The following PAX5 variants were observed in gnomAD, a reference collection of about 807,000 sequenced individuals.
PAX5 encodes the protein paired box 5, also known as paired box protein Pax-5.
A neutral mutation model predicts 43.7 loss-of-function variants in PAX5; 9 were observed. That is an observed-to-expected ratio of 0.21 (90% CI 0.12 to 0.36). PAX5 has a LOEUF of 0.36. Ranked by LOEUF, PAX5 falls within the 10% of genes least tolerant of loss-of-function variation. The probability of loss-of-function intolerance (pLI) is 1.00; values close to 1 mark genes in which losing one functional copy is unlikely to be tolerated. For synonymous variants in PAX5, 228 were observed against 214.3 expected, an observed-to-expected ratio of 1.06 and a Z score of -0.56; for missense variants, 383 against 532.7, an observed-to-expected ratio of 0.72 and a Z score of 2.77.
intron 4 of PAX5, among the ~76,000 whole-genome samples, chr9:37,004,873 C>T (rs1446679675): frequency 1.3e-5 from 2 of 152,216 alleles, no homozygotes; most frequent in Non-Finnish European, 2.9e-5. Context: ...TTACTGGCAA[C>T]ATGACCTAGG....
chr9:36,943,896 G>A (rs1314848193), intron 6 of PAX5, among the ~76,000 whole-genome samples: 1 of 152,080 alleles, frequency 6.6e-6, no homozygotes, highest in African/African-American at 2.4e-5. Context: ...GACCCAATAA[G>A]TGACTAGAGC....
chr9:37,021,701 T>C (rs902259293), intron 1 of PAX5, among the ~76,000 whole-genome samples: 2 of 152,226 alleles, frequency 1.3e-5, no homozygotes, highest in Admixed American at 6.5e-5. Context: ...TCAAGGTCCA[T>C]CTGGAAGGAC....
At chr9:37,025,807 A>T (rs1840294039) in intron 1 of PAX5, among the ~76,000 whole-genome samples, 1 of 152,080 alleles carries the variant, frequency 6.6e-6, no homozygotes, top group African/African-American at 2.4e-5. Context: ...CGTGGTAACT[A>T]ATTGGCTTCC....
chr9:37,020,950 A>AGTTTG, intron 1 of PAX5, 149 bp from the exon 2 acceptor site: 2 of 708,300 alleles, frequency 2.8e-6, no homozygotes, highest in Non-Finnish European at 4.7e-6. Context: ...CGTGCAAACT[A>AGTTTG]CACGAAGTCC....
rs2131674114 is a variant in PAX5, at chr9:36,865,202, C to T, written c.1012+16802G>A. 2.0e-5 allele frequency among the ~76,000 whole-genome samples: 3 copies of T among 152,296 alleles called. No homozygotes were observed. The South Asian group carries it at 6.2e-4, about 32-fold the overall frequency. On this transcript the variant is annotated intron_variant, in intron 8 of 9. Coordinates refer to ENST00000358127, the MANE Select transcript of PAX5 (RefSeq NM_016734.3). ...CTTCAGAGACCAAGATTTCCAGGTG[C>T]TTCCCTCAGTTCTCCCAGGGAGGCC...
chr9:36,911,346 CG>C (rs1554662230), intron 7 of PAX5, among the ~76,000 whole-genome samples: 5 of 150,810 alleles, frequency 3.3e-5, no homozygotes, highest in Admixed American at 2.6e-4. Flanking sequence ...TTTTTGAGAT[CG>C]GGGGGGTCTC....
chr9:36,991,770 G>T (rs138264531), intron 5 of PAX5, among the ~76,000 whole-genome samples: 1 of 142,070 alleles, frequency 7.0e-6, no homozygotes, highest in East Asian at 2.2e-4. Context: ...CTGGTGGCTG[G>T]TGCTGGGAAG....
rs1563915188 is a variant in PAX5, at chr9:36,870,035, AATGGATGGATGGATGGATGGATAAATGG to A, written c.1012+11941_1012+11968del. 5.6e-3 allele frequency among the ~76,000 whole-genome samples: 170 copies of A among 30,296 alleles called. 3 individuals are homozygous for A. Among genetic ancestry groups the A allele is most frequent in the African/African-American group, 0.011 (102 of 9,508 alleles). The allele number at this position is 30,296 out of a possible 152,430, so 19.9% of individuals were successfully genotyped here. A position where few individuals can be genotyped will look rare whatever the true frequency, so the allele number is the denominator to read the frequency against. ...GGATGGATGGATGGATGGATGGATA[AATGGATGGATGGATGGATGGATAAATGG>A]ATGGATGGATGGATGGATGGATAAA... On this transcript the variant is annotated intron_variant, in intron 8 of 9. Coordinates refer to ENST00000358127, the MANE Select transcript of PAX5 (RefSeq NM_016734.3).
chr9:37,026,443 C>T (rs553646524), intron 1 of PAX5: 4 of 1,107,338 alleles, frequency 3.6e-6, no homozygotes, highest in Non-Finnish European at 4.9e-6. Flanking sequence ...GGTCCGAGAT[C>T]CTTCCGGCCT....
chr9:36,936,558 C>G (rs1369094087), intron 6 of PAX5, among the ~76,000 whole-genome samples: 1 of 152,082 alleles, frequency 6.6e-6, no homozygotes, highest in African/African-American at 2.4e-5. Context: ...ATGAGGGGTC[C>G]AAAGGGAGGA....
intron 7 of PAX5, among the ~76,000 whole-genome samples, chr9:36,908,298 G>A (rs1828984361): frequency 6.6e-6 from 1 of 151,456 alleles, no homozygotes; most frequent in African/African-American, 2.4e-5. Context: ...CAGCTTAGAT[G>A]TTGCTTCCCC....
At chr9:36,878,726 A>G (rs1356356714) in intron 8 of PAX5, among the ~76,000 whole-genome samples, 2 of 152,174 alleles carry the variant, frequency 1.3e-5, no homozygotes, top group Non-Finnish European at 2.9e-5. Flanking sequence ...TGCCGGGGGT[A>G]GTGTCTGCAA....
chr9:36,932,432 TG>T (rs1831207244), intron 6 of PAX5, among the ~76,000 whole-genome samples: 1 of 152,226 alleles, frequency 6.6e-6, no homozygotes, highest in African/African-American at 2.4e-5. Context: ...TGCTGATACA[TG>T]TTACAACATG....
intron 5 of PAX5, among the ~76,000 whole-genome samples, chr9:36,992,365 C>A (rs561643110): frequency 4.6e-5 from 7 of 152,188 alleles, no homozygotes; most frequent in South Asian, 2.1e-4. Context: ...CAGATGGGGT[C>A]TCCAGGTGGC....
intron 7 of PAX5, among the ~76,000 whole-genome samples, chr9:36,887,779 A>G (rs1471772943): frequency 6.6e-6 from 1 of 152,232 alleles, no homozygotes; most frequent in Non-Finnish European, 1.5e-5. Flanking sequence ...GATACACTGG[A>G]CTTCATCAAA....
intron 5 of PAX5, among the ~76,000 whole-genome samples, chr9:36,967,068 A>G (rs1346568128): frequency 6.6e-6 from 1 of 152,142 alleles, no homozygotes; most frequent in Non-Finnish European, 1.5e-5. Context: ...TGAGGATTCG[A>G]GCTTGGGCTG....
At chr9:36,869,895 A>T (rs368789925) in intron 8 of PAX5, among the ~76,000 whole-genome samples, 1 of 49,368 alleles carries the variant, frequency 2.0e-5, no homozygotes, top group Non-Finnish European at 4.4e-5. Flanking sequence ...TGGATGGATA[A>T]ATGGATGGAT....
chr9:37,019,906 C>T (rs574587003), intron 2 of PAX5, among the ~76,000 whole-genome samples: 2 of 152,228 alleles, frequency 1.3e-5, no homozygotes, highest in African/African-American at 4.8e-5. Context: ...AGTCACTTTG[C>T]CTGTCTAGGT....
At chr9:36,876,216 G>A (rs1825900806) in intron 8 of PAX5, among the ~76,000 whole-genome samples, 2 of 152,164 alleles carry the variant, frequency 1.3e-5, no homozygotes, top group South Asian at 4.2e-4. Flanking sequence ...CCTCTCCTCT[G>A]GCCTCAGGCC....
Sources: gnomAD v4.1 joint callset for allele counts (sites outside exome capture counted in the v4.1 genomes callset) on GRCh38, gnomAD v4.1.1 for gene constraint, MANE v1.5 for transcripts, NCBI Gene and HGNC (gene_info 2026-07-23, HGNC 2026-07-21) for gene names.